The following GNB5 variants were observed in gnomAD, a reference collection of about 807,000 sequenced individuals.
GNB5 encodes G protein subunit beta 5.
In GNB5, 37 loss-of-function variants were observed where a neutral mutation model predicts 55.3. That is an observed-to-expected ratio of 0.67 (90% CI 0.51 to 0.88). GNB5 has a LOEUF of 0.88. Ranked by LOEUF, GNB5 falls within the 40% of genes least tolerant of loss-of-function variation. GNB5 has a pLI of 0.00. For missense variants in GNB5, 476 were observed against 515.3 expected, an observed-to-expected ratio of 0.92 and a Z score of 0.74; for synonymous variants, 219 against 198.5, an observed-to-expected ratio of 1.10 and a Z score of -0.87.
intron 2 of GNB5, among the ~76,000 whole-genome samples, chr15:52,181,760 C>T (rs1433719283): frequency 2.6e-5 from 4 of 152,106 alleles, no homozygotes; most frequent in Non-Finnish European, 5.9e-5. Context: ...GTTTACTTGT[C>T]GCTGTTCCTT....
intron 7 of GNB5, chr15:52,137,004 G>A: frequency 2.2e-6 from 1 of 454,024 alleles, no homozygotes; most frequent in South Asian, 1.6e-5. Flanking sequence ...TGCTCATCCA[G>A]ACTCAAAGAC....
chr15:52,176,486 A>G lies in GNB5; in HGVS notation c.238+3282T>C, dbSNP rs564117636. Among the ~76,000 whole-genome samples the G allele has an allele frequency of 4.6e-5, 7 of 152,042 alleles. No homozygotes were observed. In the East Asian group the frequency reaches 1.4e-3, roughly 29 times the overall value. On this transcript the variant is annotated intron_variant, in intron 3 of 12. Coordinates refer to ENST00000261837, the MANE Select transcript of GNB5 (RefSeq NM_016194.4). ...ATCAGCATCCTTTCCTCCCTTTCCC[A>G]CCTGAGTGCCAAGGGACAAACACAC...
At chr15:52,173,116 A>C (rs2034585286) in intron 3 of GNB5, among the ~76,000 whole-genome samples, 1 of 152,224 alleles carries the variant, frequency 6.6e-6, no homozygotes, top group Admixed American at 6.5e-5. Flanking sequence ...AGGTACTTAC[A>C]TTCTAGTAAG....
At chr15:52,159,003 T>C (rs1321074877) in intron 3 of GNB5, among the ~76,000 whole-genome samples, 1 of 151,854 alleles carries the variant, frequency 6.6e-6, no homozygotes, top group African/African-American at 2.4e-5. Context: ...CTGAGCTCAG[T>C]CGAAAGGATA....
intron 8 of GNB5, among the ~76,000 whole-genome samples, chr15:52,134,442 G>T (rs183354633): frequency 6.6e-6 from 1 of 152,064 alleles, no homozygotes; most frequent in African/African-American, 2.4e-5. Context: ...GAAAATGTGG[G>T]CAAAGAAACC....
At chr15:52,179,681 C>A (rs944685780) in intron 3 of GNB5, 87 bp downstream of exon 3, 19 of 832,290 alleles carry the variant, frequency 2.3e-5, no homozygotes, top group Non-Finnish European at 2.8e-5. Flanking sequence ...GTCGCAGCCA[C>A]GACCGCCCCC....
chr15:52,164,177 G>A (rs1468121972), intron 3 of GNB5, among the ~76,000 whole-genome samples: 16 of 151,758 alleles, frequency 1.1e-4, no homozygotes, highest in Admixed American at 3.9e-4. Context: ...GTGTGATGGC[G>A]GGCGCCTGTA....
chr15:52,136,901 A>G (rs1259642574), intron 7 of GNB5: 1 of 434,680 alleles, frequency 2.3e-6, no homozygotes, highest in Admixed American at 2.6e-5. Context: ...ATTGAGACCA[A>G]GTAAAAATAA....
At chr15:52,155,579 T>C (rs954062821) in intron 3 of GNB5, among the ~76,000 whole-genome samples, 3 of 152,356 alleles carry the variant, frequency 2.0e-5, no homozygotes, top group African/African-American at 7.2e-5. Flanking sequence ...ATAACCTTCA[T>C]AGCAAAAGAA....
chr15:52,177,442 G>C (rs919649557), intron 3 of GNB5, among the ~76,000 whole-genome samples: 4 of 151,896 alleles, frequency 2.6e-5, no homozygotes, highest in Non-Finnish European at 5.9e-5. Flanking sequence ...CAGATCACTT[G>C]AGGTCAGGAG....
chr15:52,163,087 G>A (rs1030924540), intron 3 of GNB5, among the ~76,000 whole-genome samples: 9 of 152,152 alleles, frequency 5.9e-5, no homozygotes, highest in African/African-American at 2.2e-4. Context: ...CTGAGCCAGG[G>A]GAGCCCCGAC....
chr15:52,179,722 G>C (rs2034729131), intron 3 of GNB5, 46 bp downstream of exon 3: 1 of 1,274,766 alleles, frequency 7.8e-7, no homozygotes, highest in Non-Finnish European at 1.0e-6. Context: ...CCGGGAAGTG[G>C]CGAGCCGGTC....
chr15:52,142,329 A>T (rs965231327), intron 6 of GNB5, among the ~76,000 whole-genome samples: 10 of 152,240 alleles, frequency 6.6e-5, no homozygotes, highest in African/African-American at 2.4e-4. Context: ...TTACATGATT[A>T]TCCTTGCTTG....
At chr15:52,136,912 C>A (rs1021922448) in intron 7 of GNB5, 34 of 438,878 alleles carry the variant, frequency 7.7e-5, no homozygotes, top group Admixed American at 7.6e-4. Flanking sequence ...GTAAAAATAA[C>A]TTAACTGCTT....
At chr15:52,188,780 C>T (rs2034879891) in intron 1 of GNB5, among the ~76,000 whole-genome samples, 1 of 152,188 alleles carries the variant, frequency 6.6e-6, no homozygotes, top group Non-Finnish European at 1.5e-5. Flanking sequence ...AAAATTACCA[C>T]AGAAATACGT....
At chr15:52,143,719 G>A (rs554757116) in intron 6 of GNB5, among the ~76,000 whole-genome samples, 3 of 152,310 alleles carry the variant, frequency 2.0e-5, no homozygotes, top group African/African-American at 7.2e-5. Flanking sequence ...TGGCATCGGT[G>A]TGGGTCTATT....
intron 10 of GNB5, among the ~76,000 whole-genome samples, chr15:52,126,470 T>C (rs2033433888): frequency 6.6e-6 from 1 of 152,220 alleles, no homozygotes; most frequent in South Asian, 2.1e-4. Context: ...ATTTTATGTG[T>C]GTATCTGAAT....
chr15:52,140,848 C>T (rs1400115088), intron 7 of GNB5, among the ~76,000 whole-genome samples: 1 of 152,186 alleles, frequency 6.6e-6, no homozygotes, highest in Non-Finnish European at 1.5e-5. Context: ...ACAGTAACTG[C>T]CTGCACCCCA....
intron 7 of GNB5, chr15:52,140,094 G>T: frequency 2.0e-6 from 1 of 501,402 alleles, no homozygotes; most frequent in Non-Finnish European, 2.9e-6. Flanking sequence ...GGGCACAATG[G>T]TGACACTGCA....
Sources: allele counts gnomAD v4.1 joint callset (sites outside exome capture counted in the v4.1 genomes callset), GRCh38; gene constraint gnomAD v4.1.1; transcripts MANE v1.5; gene names NCBI Gene and HGNC (gene_info 2026-07-23, HGNC 2026-07-21).